MAN2B2: variants seen among roughly 807,000 people sequenced by gnomAD.
MAN2B2 encodes epididymis-specific alpha-mannosidase.
A neutral mutation model predicts 117.1 loss-of-function variants in MAN2B2; 106 were observed. That is an observed-to-expected ratio of 0.90 (90% CI 0.77 to 1.06). The LOEUF is 1.06. MAN2B2 is among the 50% of genes least tolerant of loss of function. The pLI is 0.00. For missense variants in MAN2B2, 1,326 were observed against 1,381.4 expected (o/e 0.96, Z 0.64); for synonymous variants, 544 against 595.1 (o/e 0.91, Z 1.25).
chr4:6,596,535 C>T (rs1437949047), intron 7 of MAN2B2, among the ~76,000 whole-genome samples: 3 of 152,168 alleles, frequency 2.0e-5, no homozygotes, highest in Non-Finnish European at 4.4e-5. Flanking sequence ...TGCATGGGCC[C>T]TGGGCATCCT....
intron 5 of MAN2B2, among the ~76,000 whole-genome samples, chr4:6,590,523 C>T (rs1397127105): frequency 6.6e-6 from 1 of 152,236 alleles, no homozygotes; most frequent in Non-Finnish European, 1.5e-5. Flanking sequence ...AATGTGCTGA[C>T]TTCCAGGAGC....
chr4:6,581,533 G>A (rs749267874), intron 3 of MAN2B2, among the ~76,000 whole-genome samples: 4 of 152,102 alleles, frequency 2.6e-5, no homozygotes, highest in Non-Finnish European at 5.9e-5. Context: ...CATTCTGGCT[G>A]TGAATTATGT....
chr4:6,588,678 G>A (rs1431085057), intron 4 of MAN2B2, among the ~76,000 whole-genome samples: 1 of 152,154 alleles, frequency 6.6e-6, no homozygotes, highest in African/African-American at 2.4e-5. Flanking sequence ...TCGTGACACT[G>A]CACTCCTGGG....
chr4:6,602,317 G>A (rs1222827315), intron 10 of MAN2B2, among the ~76,000 whole-genome samples: 1 of 152,232 alleles, frequency 6.6e-6, no homozygotes, highest in Non-Finnish European at 1.5e-5. Context: ...AGTTCTGGAG[G>A]CAGGAAGTCC....
chr4:6,580,464 G>A (rs1338768372), intron 3 of MAN2B2, among the ~76,000 whole-genome samples: 2 of 152,172 alleles, frequency 1.3e-5, no homozygotes, highest in Non-Finnish European at 2.9e-5. Flanking sequence ...CCACTGCCAG[G>A]GAATGTGTGA....
chr4:6,582,750 C>T (rs1342820347), intron 3 of MAN2B2, among the ~76,000 whole-genome samples: 2 of 152,186 alleles, frequency 1.3e-5, no homozygotes, highest in Non-Finnish European at 2.9e-5. Flanking sequence ...ACCTCAACAT[C>T]ATAAAGCAAG....
intron 4 of MAN2B2, among the ~76,000 whole-genome samples, chr4:6,587,789 C>CTGTCACCCA (rs1480882392): frequency 8.0e-5 from 10 of 124,610 alleles, no homozygotes; most frequent in African/African-American, 3.2e-4. Flanking sequence ...GGGTCTTGCT[C>CTGTCACCCA]TGTCACCCAG....
At position 6,587,067 on chromosome 4, in the gene MAN2B2, G is replaced by A. The variant is rs372678222; in HGVS notation, c.463G>A (p.Ala155Thr). The stretch of plus-strand genomic sequence containing the variant: ...CTCCTGGCACGTTGACCCGTTTGGC[G>A]CCTCTGCCACGACGCCCACCCTATT... ...QFSWHVDPFG[A>T]SATTPTLFAL... The change falls in exon 4 of 19, where the codon GCC becomes ACC. Residue 155 changes from alanine (A) to threonine (T), a missense_variant. Physicochemically the swap from Ala to Thr is moderately conservative, Grantham distance 58. Transcript: ENST00000285599. 1.4e-5 allele frequency: 23 copies of A among 1,614,046 alleles called. No individual in the cohort carries two copies. The highest frequency in any genetic ancestry group is 6.6e-5 in the South Asian group (6 of 91,080).
rs748833332 is a variant in MAN2B2, at chr4:6,609,316, ACC to A, written c.2006+22_2006+23del. ...TTCTACAGGTGCTTCCCCTGGGGTG[ACC>A]CCCACAGCCCGGCACACAGTCAGCG... On this transcript the variant is annotated intron_variant, in intron 12 of 18. Transcript: ENST00000285599. 6.2e-7 allele frequency: 1 copy of A among 1,608,598 alleles called. No homozygotes were observed. The highest frequency in any genetic ancestry group is 1.7e-5 in the Admixed American group (1 of 59,732).
chr4:6,615,312 T>G (rs1033609068), intron 16 of MAN2B2, among the ~76,000 whole-genome samples: 2 of 152,136 alleles, frequency 1.3e-5, no homozygotes, highest in African/African-American at 4.8e-5. Flanking sequence ...AGCCGCCTTG[T>G]GAAATGGGAT....
chr4:6,620,164 C>T lies in MAN2B2; in HGVS notation c.2932+120C>T, dbSNP rs932177227. ...CGGCCTGTGCGACCTTGCGAGGCTG[C>T]TTTCCTACTCTGAACCCGCAGCCCT... On this transcript the variant is annotated intron_variant, in intron 18 of 18. Transcript: ENST00000285599. 6.4e-6 allele frequency: 5 copies of T among 785,194 alleles called. No homozygotes were observed. The African/African-American group carries it at 7.0e-5, about 11-fold the overall frequency. The allele number at this position is 785,194 out of a possible 1,614,324, so 48.6% of individuals were successfully genotyped here.
chr4:6,593,618 G>A (rs888068072), intron 6 of MAN2B2, among the ~76,000 whole-genome samples: 28 of 152,296 alleles, frequency 1.8e-4, no homozygotes, highest in Admixed American at 9.1e-4. Flanking sequence ...CTCCCGGCTC[G>A]GGCACTGCGT....
chr4:6,590,225 GA>G (rs959658872), intron 5 of MAN2B2, among the ~76,000 whole-genome samples: 18 of 149,118 alleles, frequency 1.2e-4, no homozygotes, highest in Admixed American at 2.7e-4. Flanking sequence ...TACAAAAAAA[GA>G]AAAAAAAAAT....
chr4:6,607,734 C>G (rs1727607963), intron 11 of MAN2B2, among the ~76,000 whole-genome samples: 1 of 152,124 alleles, frequency 6.6e-6, no homozygotes. Context: ...TTCGTTTCTC[C>G]TGGGTACATA....
At chr4:6,586,129 G>A (rs1386292618) in intron 3 of MAN2B2, among the ~76,000 whole-genome samples, 1 of 151,646 alleles carries the variant, frequency 6.6e-6, no homozygotes, top group African/African-American at 2.4e-5. Context: ...GCTCACTGCA[G>A]CCTCAACCTC....
At chr4:6,613,310 C>T (rs1013361161) in intron 15 of MAN2B2, among the ~76,000 whole-genome samples, 3 of 152,104 alleles carry the variant, frequency 2.0e-5, no homozygotes, top group Non-Finnish European at 2.9e-5. Flanking sequence ...GGGTTCTGGC[C>T]GGACATGGTG....
chr4:6,616,131 C>A (rs1011518071), intron 16 of MAN2B2, among the ~76,000 whole-genome samples: 3 of 152,084 alleles, frequency 2.0e-5, no homozygotes, highest in Non-Finnish European at 4.4e-5. Flanking sequence ...ACTGATGCCT[C>A]AATTCTAATC....
At chr4:6,606,308 C>T (rs1203682108) in intron 11 of MAN2B2, among the ~76,000 whole-genome samples, 2 of 152,246 alleles carry the variant, frequency 1.3e-5, no homozygotes, top group Non-Finnish European at 2.9e-5. Flanking sequence ...CTGTCCTCAT[C>T]TTTCCCCAGT....
At chr4:6,598,160 C>T in intron 8 of MAN2B2, 38 bp from the exon 9 acceptor site, 1 of 1,603,800 alleles carries the variant, frequency 6.2e-7, no homozygotes. Context: ...GAGTCAGGTC[C>T]TGATCCTGTT....
Sources: allele counts gnomAD v4.1 joint callset (sites outside exome capture counted in the v4.1 genomes callset), GRCh38; gene constraint gnomAD v4.1.1; transcripts MANE v1.5; gene names NCBI Gene and HGNC (gene_info 2026-07-23, HGNC 2026-07-21).